The following TXNL4A variants were observed in gnomAD, a reference collection of about 807,000 sequenced individuals.
The protein encoded by TXNL4A is thioredoxin-like protein 4A.
Under a neutral mutation model 14.6 loss-of-function variants are expected in TXNL4A, and 17 were observed. That is an observed-to-expected ratio of 1.16 (90% confidence interval 0.80 to 1.74). The LOEUF (loss-of-function observed/expected upper bound fraction) is 1.74, where lower values mean the gene tolerates loss of function less well. TXNL4A is among the 40% of genes most tolerant of loss of function. The pLI is 0.00. For synonymous variants in TXNL4A, 83 were observed against 70.6 expected (o/e 1.18, Z -0.88); for missense variants, 74 against 195.2 (o/e 0.38, Z 3.70).
intron 1 of TXNL4A, among the ~76,000 whole-genome samples, chr18:80,009,072 C>T (rs368549598): frequency 1.1e-3 from 168 of 152,308 alleles, no homozygotes; most frequent in African/African-American, 3.8e-3. Flanking sequence ...CCACTGCGCC[C>T]GGCCTACTTT....
chr18:80,001,073 G>GC (rs139415284), intron 1 of TXNL4A, among the ~76,000 whole-genome samples: 4 of 152,206 alleles, frequency 2.6e-5, no homozygotes, highest in African/African-American at 9.7e-5. Context: ...CTGGCCCAGG[G>GC]CCCCCCTGCT....
chr18:79,974,149 A>G (rs1445653952), intron 2 of TXNL4A, among the ~76,000 whole-genome samples: 1 of 152,210 alleles, frequency 6.6e-6, no homozygotes, highest in Non-Finnish European at 1.5e-5. Context: ...GCAGTGGCTC[A>G]TGCCTGTAAT....
In TXNL4A at chr18:79,973,159, G is replaced by A. The variant is rs1453217650; in HGVS notation, c.*526C>T. ...CCACACAGGGAGGACACAGGTGAAG[G>A]CAGAGATGGGGCGAAGTATCCACAC... On this transcript the variant is annotated 3_prime_UTR_variant, in exon 3 of 3. Transcript: ENST00000269601. 1 of 152,674 alleles carries A rather than the reference G, an allele frequency of 6.5e-6. No individual in the cohort carries two copies. Among genetic ancestry groups the A allele is most frequent in the African/African-American group, 2.4e-5 (1 of 41,442 alleles). 9.5% of individuals were successfully genotyped at this position (152,674 alleles called of 1,614,324 possible).
intron 1 of TXNL4A, among the ~76,000 whole-genome samples, chr18:80,032,229 G>A (rs1446961700): frequency 1.3e-5 from 2 of 151,942 alleles, no homozygotes; most frequent in Non-Finnish European, 2.9e-5. Context: ...GAACTTCTAG[G>A]AATAAACCAT....
chr18:79,994,196 A>T (rs867576391), intron 1 of TXNL4A, among the ~76,000 whole-genome samples: 1 of 152,224 alleles, frequency 6.6e-6, no homozygotes, highest in South Asian at 2.1e-4. Context: ...CTATAACCAA[A>T]GTAGTTCTAA....
At chr18:79,998,278 G>A (rs2051675822) in intron 1 of TXNL4A, among the ~76,000 whole-genome samples, 1 of 151,660 alleles carries the variant, frequency 6.6e-6, no homozygotes, top group South Asian at 2.1e-4. Flanking sequence ...GAACGACAGA[G>A]CGAGACTCCG....
At chr18:79,979,354 T>C (rs2051428694) in intron 1 of TXNL4A, 1 of 152,244 alleles carries the variant, frequency 6.6e-6, no homozygotes, top group Non-Finnish European at 1.5e-5. Context: ...GTTTGGATAT[T>C]TGTCCCTGCC....
chr18:80,031,516 G>A (rs1409467446), intron 1 of TXNL4A, among the ~76,000 whole-genome samples: 4 of 152,198 alleles, frequency 2.6e-5, no homozygotes, highest in African/African-American at 4.8e-5. Context: ...CGTTGGACAC[G>A]TTCAGTATTC....
At chr18:80,012,202 C>T (rs533798914) in intron 1 of TXNL4A, among the ~76,000 whole-genome samples, 1 of 152,130 alleles carries the variant, frequency 6.6e-6, no homozygotes, top group Non-Finnish European at 1.5e-5. Flanking sequence ...ACCGCCAAAC[C>T]AAGATAGGCC....
At chr18:80,014,438 C>T (rs1169733221) in intron 1 of TXNL4A, among the ~76,000 whole-genome samples, 1 of 152,148 alleles carries the variant, frequency 6.6e-6, no homozygotes, top group Non-Finnish European at 1.5e-5. Context: ...TTACAGGACC[C>T]ATGCAAGTCT....
intron 1 of TXNL4A, among the ~76,000 whole-genome samples, chr18:80,023,993 C>T (rs976458539): frequency 7.9e-5 from 12 of 152,296 alleles, no homozygotes; most frequent in African/African-American, 1.7e-4. Flanking sequence ...GATTGACATC[C>T]GGTAACCACG....
intron 1 of TXNL4A, among the ~76,000 whole-genome samples, chr18:79,997,439 G>C (rs1235982667): frequency 1.6e-5 from 1 of 61,260 alleles, no homozygotes; most frequent in Admixed American, 2.1e-4. Flanking sequence ...TACATGACTT[G>C]AGGGCAATAA....
chr18:79,999,684 C>T (rs1036527303), intron 1 of TXNL4A, among the ~76,000 whole-genome samples: 1 of 152,164 alleles, frequency 6.6e-6, no homozygotes, highest in Non-Finnish European at 1.5e-5. Flanking sequence ...TGAGCCAGCC[C>T]CAATCCAGAA....
chr18:79,993,423 G>A (rs1048563778), upstream of TXNL4A, among the ~76,000 whole-genome samples: 3 of 152,146 alleles, frequency 2.0e-5, no homozygotes, highest in Non-Finnish European at 1.5e-5. The surrounding 1 kb of genome is among the most constrained non-coding windows in gnomAD (Gnocchi z 4.4). Context: ...TTCAGCTTGG[G>A]CTCCTATCAC....
intron 1 of TXNL4A, among the ~76,000 whole-genome samples, chr18:80,023,850 A>G (rs994400276): frequency 5.3e-5 from 8 of 152,152 alleles, no homozygotes; most frequent in African/African-American, 1.9e-4. Flanking sequence ...TCAATATCCC[A>G]CCCTTTCCCC....
intron 1 of TXNL4A, among the ~76,000 whole-genome samples, chr18:79,981,114 G>A (rs937430582): frequency 2.6e-5 from 4 of 152,194 alleles, no homozygotes; most frequent in African/African-American, 9.7e-5. Flanking sequence ...CAGGCATTAG[G>A]AAAGTCAAAA....
At chr18:79,976,966 AT>A (rs11328079) in intron 2 of TXNL4A, among the ~76,000 whole-genome samples, 118,688 of 150,852 alleles carry the variant, frequency 0.79, 47,304 homozygotes, top group East Asian at 0.91. Context: ...TAGGTTTTTG[AT>A]TTTTTTTTTT....
chr18:79,998,068 TG>T (rs1414440705), intron 1 of TXNL4A, among the ~76,000 whole-genome samples: 1 of 151,596 alleles, frequency 6.6e-6, no homozygotes, highest in African/African-American at 2.4e-5. Flanking sequence ...CTGAGGCGGG[TG>T]GATCACGAGG....
intron 1 of TXNL4A, among the ~76,000 whole-genome samples, chr18:80,030,978 A>G (rs2051917387): frequency 6.6e-6 from 1 of 152,162 alleles, no homozygotes; most frequent in Admixed American, 6.5e-5. Flanking sequence ...AAATAAATGA[A>G]CAAATAAAAA....
Sources: gnomAD v4.1 joint callset for allele counts (sites outside exome capture counted in the v4.1 genomes callset) on GRCh38, gnomAD v4.1.1 for gene constraint, Gnocchi (gnomAD v3.1) non-coding constraint, MANE v1.5 for transcripts, NCBI Gene and HGNC (gene_info 2026-07-23, HGNC 2026-07-21) for gene names.